USP40: variants seen among roughly 807,000 people sequenced by gnomAD.
The protein encoded by USP40 is ubiquitin specific peptidase 40, also known as ubiquitin carboxyl-terminal hydrolase 40.
A neutral mutation model predicts 166.2 loss-of-function variants in USP40; 143 were observed. The ratio of observed to expected loss-of-function variants is 0.86; its 90% CI spans 0.75 to 0.99. The LOEUF (loss-of-function observed/expected upper bound fraction) is 0.99, where lower values mean the gene tolerates loss of function less well. Ranked by LOEUF, USP40 falls within the 50% of genes least tolerant of loss-of-function variation. USP40 has a pLI of 0.00. For synonymous variants in USP40, 498 were observed against 524.0 expected (o/e 0.95, Z 0.68); for missense variants, 1,444 against 1,479.7 (o/e 0.98, Z 0.40).
At chr2:233,533,354 T>C (rs1282253127) in intron 11 of USP40, 125 bp downstream of exon 11, 1 of 993,434 alleles carries the variant, frequency 1.0e-6, no homozygotes, top group African/African-American at 1.6e-5. Flanking sequence ...CTTGTTAGCT[T>C]TAAAATATTT....
chr2:233,518,796 T>C (rs1050914155), intron 18 of USP40, among the ~76,000 whole-genome samples: 2 of 152,116 alleles, frequency 1.3e-5, no homozygotes, highest in Non-Finnish European at 1.5e-5. Flanking sequence ...CCAAGACTTA[T>C]GTGTAAAAGT....
At chr2:233,539,680 A>T (rs530385978) in intron 10 of USP40, among the ~76,000 whole-genome samples, 1 of 152,258 alleles carries the variant, frequency 6.6e-6, no homozygotes, top group East Asian at 1.9e-4. Context: ...TTATAGCTTT[A>T]AAAGTATTAG....
chr2:233,560,966 A>C (rs1445224249), intron 3 of USP40: 2 of 727,956 alleles, frequency 2.7e-6, no homozygotes, highest in African/African-American at 1.8e-5. Context: ...GCAGTATTGT[A>C]CTTGGAAAAC....
rs536899263 is a variant in USP40, at chr2:233,485,779, C to T, written c.3396G>A (p.Pro1132=). ...KYFPEKFEWL[P]ISSWNQQITK... Reference sequence around the variant, plus strand: ...CCCACAACTTTACCCAGCTAGATATCGGAAGCCACTCGAACTTTTCGGGAA... The same window carrying T: ...CCCACAACTTTACCCAGCTAGATATTGGAAGCCACTCGAACTTTTCGGGAA... Residue 1132 remains proline, a synonymous_variant, in exon 29 of 32, where the codon CCG becomes CCA. Transcript: ENST00000678225. 4.0e-5 allele frequency: 65 copies of T among 1,612,924 alleles called. No individual in the cohort carries two copies. Among genetic ancestry groups the T allele is most frequent in the East Asian group, 3.6e-4 (16 of 44,882 alleles).
intron 30 of USP40, among the ~76,000 whole-genome samples, chr2:233,483,715 T>C (rs1305365163): frequency 6.6e-6 from 1 of 152,128 alleles, no homozygotes; most frequent in African/African-American, 2.4e-5. Flanking sequence ...ATTTCAAATT[T>C]TTGGATTAGG....
At chr2:233,525,806 A>C (rs2067984279) in intron 13 of USP40, among the ~76,000 whole-genome samples, 1 of 152,216 alleles carries the variant, frequency 6.6e-6, no homozygotes, top group Admixed American at 6.5e-5. Context: ...AGGGCACAAC[A>C]ACCATCTAAA....
At position 233,520,987 on chromosome 2, in the gene USP40, T is replaced by A; in HGVS notation, c.2325+4A>T. ...CAGCCAACCTTTAATTATATTCTAC[T>A]CACTGTGTTAACAGTTGCTGATATT... On this transcript the variant is annotated splice_donor_region_variant and intron_variant, in intron 17 of 31. Transcript: ENST00000678225. The A allele has an allele frequency of 6.2e-7, 1 of 1,610,108 alleles. No homozygotes were observed. The highest frequency in any genetic ancestry group is 1.3e-5 in the African/African-American group (1 of 74,884).
intron 27 of USP40, 125 bp downstream of exon 27, chr2:233,489,240 G>A (rs768000702): frequency 9.1e-6 from 8 of 878,208 alleles, no homozygotes; most frequent in Non-Finnish European, 1.5e-5. Flanking sequence ...AGTCACAAGC[G>A]TGGCATGACC....
At position 233,477,371 on chromosome 2, in the gene USP40, T is replaced by TAGAG; in HGVS notation, c.*17_*20dup. On this transcript the variant is annotated 3_prime_UTR_variant, in exon 32 of 32. Coordinates refer to ENST00000678225, the MANE Select transcript of USP40 (RefSeq NM_001365479.2). The stretch of plus-strand genomic sequence containing the variant: ...CATCAGCCGGAGAGTTCATCGGGAG[T>TAGAG]AGAGCCGTGCAGCGGCGCGGTTATC... 3 of 1,608,424 alleles carry TAGAG rather than the reference T, an allele frequency of 1.9e-6. No homozygotes were observed. The highest frequency in any genetic ancestry group is 2.6e-6 in the Non-Finnish European group (3 of 1,176,148).
chr2:233,549,821 G>C (rs2070387026), intron 7 of USP40, among the ~76,000 whole-genome samples: 1 of 151,986 alleles, frequency 6.6e-6, no homozygotes, highest in Admixed American at 6.6e-5. Context: ...CAGTTTAGTG[G>C]AAGAGGTTCT....
At chr2:233,520,493 G>A (rs1197094709) in intron 17 of USP40, among the ~76,000 whole-genome samples, 1 of 152,038 alleles carries the variant, frequency 6.6e-6, no homozygotes, top group Non-Finnish European at 1.5e-5. Flanking sequence ...TTCCTGAGAT[G>A]GTGTTTAACG....
chr2:233,520,868 G>T, intron 17 of USP40, 123 bp downstream of exon 17: 1 of 1,049,620 alleles, frequency 9.5e-7, no homozygotes, highest in East Asian at 2.5e-5. Flanking sequence ...TAAATAAAAA[G>T]CTGACTTCCT....
intron 28 of USP40, among the ~76,000 whole-genome samples, chr2:233,487,207 T>G (rs2065002928): frequency 6.6e-6 from 1 of 152,206 alleles, no homozygotes; most frequent in Non-Finnish European, 1.5e-5. Context: ...AACTCAATCA[T>G]GCACTCACAA....
intron 17 of USP40, among the ~76,000 whole-genome samples, chr2:233,520,350 T>C (rs1330904713): frequency 6.6e-6 from 1 of 152,110 alleles, no homozygotes; most frequent in Non-Finnish European, 1.5e-5. Context: ...GTATTCATCA[T>C]ACAGTGTAAA....
At chr2:233,554,226 A>G in intron 6 of USP40, 154 bp downstream of exon 6, 2 of 833,600 alleles carry the variant, frequency 2.4e-6, no homozygotes, top group Non-Finnish European at 3.3e-6. Flanking sequence ...AAAATTCATT[A>G]TTGTAAAAAA....
intron 10 of USP40, among the ~76,000 whole-genome samples, chr2:233,538,009 T>C (rs1376189188): frequency 3.9e-5 from 6 of 152,030 alleles, no homozygotes; most frequent in Non-Finnish European, 8.8e-5. Context: ...AAGGCAATAG[T>C]AGGAAAAATG....
intron 10 of USP40, among the ~76,000 whole-genome samples, chr2:233,539,294 C>T (rs958666251): frequency 1.3e-5 from 2 of 151,504 alleles, no homozygotes; most frequent in African/African-American, 4.8e-5. Flanking sequence ...ATGCTACATC[C>T]AATAACTGCA....
At chr2:233,488,931 A>G (rs2065129485) in intron 27 of USP40, among the ~76,000 whole-genome samples, 1 of 152,090 alleles carries the variant, frequency 6.6e-6, no homozygotes, top group Non-Finnish European at 1.5e-5. Context: ...AAAAGGAAAG[A>G]AAGGAAAGAA....
At chr2:233,511,458 T>C (rs912846244) in intron 20 of USP40, among the ~76,000 whole-genome samples, 4 of 152,214 alleles carry the variant, frequency 2.6e-5, no homozygotes, top group Non-Finnish European at 5.9e-5. Flanking sequence ...TGGTTGAAAG[T>C]GGTGGCCACT....
Sources: allele counts gnomAD v4.1 joint callset (sites outside exome capture counted in the v4.1 genomes callset), GRCh38; gene constraint gnomAD v4.1.1; transcripts MANE v1.5; gene names NCBI Gene and HGNC (gene_info 2026-07-23, HGNC 2026-07-21).